CAMK4: variants seen among roughly 807,000 people sequenced by gnomAD.
CAMK4 encodes calcium/calmodulin dependent protein kinase IV.
In CAMK4, 22 loss-of-function variants were observed where a neutral mutation model predicts 44.9. The observed-to-expected ratio is 0.49, with a 90% CI of 0.35 to 0.70. CAMK4 has a LOEUF of 0.70. Among genes scored for constraint, CAMK4 ranks in the 30% least tolerant of loss-of-function variants. The pLI is 0.01. For synonymous variants in CAMK4, 218 were observed against 215.4 expected (o/e 1.01, Z -0.11); for missense variants, 498 against 586.8 (o/e 0.85, Z 1.56).
intron 2 of CAMK4, among the ~76,000 whole-genome samples, chr5:111,358,379 A>G (rs1271563908): frequency 6.6e-6 from 1 of 152,066 alleles, no homozygotes; most frequent in East Asian, 1.9e-4. Flanking sequence ...TATATGGGTC[A>G]GATTCCAATT....
chr5:111,281,047 G>T (rs1017930014), intron 1 of CAMK4, among the ~76,000 whole-genome samples: 3 of 152,180 alleles, frequency 2.0e-5, no homozygotes, highest in African/African-American at 7.2e-5. Context: ...CAATATTTCT[G>T]CTGTGGTGTT....
At position 111,448,248 on chromosome 5, in the gene CAMK4, A is replaced by T. The variant is rs577919869; in HGVS notation, c.551-881A>T. 7.9e-5 allele frequency among the ~76,000 whole-genome samples: 12 copies of T among 152,358 alleles called. No individual in the cohort carries two copies. The South Asian group carries it at 1.2e-3, about 16-fold the overall frequency. On this transcript the variant is annotated intron_variant, in intron 6 of 10. Transcript: ENST00000282356. The stretch of plus-strand genomic sequence containing the variant: ...AAATAAAAAGGATTCTTACCAAAAA[A>T]ATCTTATAGTCTTCTTATGAGAGTA...
intron 4 of CAMK4, among the ~76,000 whole-genome samples, chr5:111,380,826 G>A (rs1751386897): frequency 6.6e-6 from 1 of 152,058 alleles, no homozygotes; most frequent in Non-Finnish European, 1.5e-5. Context: ...TGTTGTGGTG[G>A]GCATTTAAGG....
chr5:111,289,971 C>G (rs1751380304), intron 1 of CAMK4, among the ~76,000 whole-genome samples: 1 of 152,188 alleles, frequency 6.6e-6, no homozygotes, highest in African/African-American at 2.4e-5. Flanking sequence ...TAGTATCTCC[C>G]TGGGAACCCA....
intron 1 of CAMK4, among the ~76,000 whole-genome samples, chr5:111,328,664 G>C (rs1022217903): frequency 1.1e-4 from 17 of 152,120 alleles, no homozygotes; most frequent in East Asian, 5.8e-4. Flanking sequence ...TCTTCCATTT[G>C]TTTGTATCCT....
chr5:111,301,237 G>T (rs1747707432), intron 1 of CAMK4, among the ~76,000 whole-genome samples: 1 of 152,106 alleles, frequency 6.6e-6, no homozygotes, highest in Non-Finnish European at 1.5e-5. Flanking sequence ...TTATTTACTG[G>T]AGAATGTCAA....
rs1171256054 is a variant in CAMK4, at chr5:111,487,948, A to T, written c.*3482A>T. ...CTTCAGAGGAGAAATGATTCCTAAC[A>T]TGACTTCAAAGAACGGGCATTACTA... is the stretch of plus-strand genomic sequence containing the variant. On this transcript the variant is annotated 3_prime_UTR_variant, in exon 11 of 11. Coordinates refer to ENST00000282356, the MANE Select transcript of CAMK4 (RefSeq NM_001744.6). 1 of 152,206 alleles carries T rather than the reference A, an allele frequency of 6.6e-6. No individual in the cohort carries two copies. Among genetic ancestry groups the T allele is most frequent in the Non-Finnish European group, 1.5e-5 (1 of 68,040 alleles). 9.4% of individuals were successfully genotyped at this position (152,206 alleles called of 1,614,324 possible). A position where few individuals can be genotyped will look rare whatever the true frequency, so the allele number is the denominator to read the frequency against.
chr5:111,269,291 T>A (rs1033205791), intron 1 of CAMK4, among the ~76,000 whole-genome samples: 1 of 152,214 alleles, frequency 6.6e-6, no homozygotes, highest in Admixed American at 6.5e-5. Flanking sequence ...ATTTATGGTA[T>A]CACATTATCT....
At chr5:111,453,198 C>G (rs1440920301) in intron 7 of CAMK4, among the ~76,000 whole-genome samples, 2 of 152,102 alleles carry the variant, frequency 1.3e-5, no homozygotes, top group African/African-American at 4.8e-5. Flanking sequence ...AAGGATACAC[C>G]TGTGTGTGGT....
intron 2 of CAMK4, among the ~76,000 whole-genome samples, chr5:111,370,965 A>G (rs1190055030): frequency 6.6e-6 from 1 of 152,190 alleles, no homozygotes; most frequent in Non-Finnish European, 1.5e-5. Context: ...TAGCATCTGC[A>G]GAAACTGAAA....
At chr5:111,372,142 C>G (rs1254940917) in intron 2 of CAMK4, among the ~76,000 whole-genome samples, 2 of 152,094 alleles carry the variant, frequency 1.3e-5, no homozygotes, top group African/African-American at 4.8e-5. Context: ...TTATTAGTTA[C>G]TGATCGATTA....
chr5:111,310,291 A>C (rs1345146705), intron 1 of CAMK4, among the ~76,000 whole-genome samples: 1 of 152,190 alleles, frequency 6.6e-6, no homozygotes, highest in African/African-American at 2.4e-5. Flanking sequence ...TTCTTTGGAA[A>C]TAAATGTATC....
At chr5:111,335,556 T>C (rs1749365854) in intron 1 of CAMK4, among the ~76,000 whole-genome samples, 1 of 151,384 alleles carries the variant, frequency 6.6e-6, no homozygotes, top group Non-Finnish European at 1.5e-5. Context: ...GAAAGAAAAG[T>C]TATTCCATAT....
At chr5:111,452,146 C>T (rs1228363215) in intron 7 of CAMK4, among the ~76,000 whole-genome samples, 2 of 152,188 alleles carry the variant, frequency 1.3e-5, no homozygotes, top group Non-Finnish European at 2.9e-5. Context: ...ACAGGGCATT[C>T]TTTGTCAGTG....
chr5:111,481,232 T>C (rs558777251), intron 9 of CAMK4, among the ~76,000 whole-genome samples: 3 of 152,146 alleles, frequency 2.0e-5, no homozygotes, highest in Non-Finnish European at 4.4e-5. Context: ...AGGAGAAAAA[T>C]GATTGGAAAA....
chr5:111,358,403 G>A (rs1479135389), intron 2 of CAMK4, among the ~76,000 whole-genome samples: 1 of 151,938 alleles, frequency 6.6e-6, no homozygotes, highest in African/African-American at 2.4e-5. Context: ...TTCCTACTGT[G>A]AGAATATGTC....
intron 2 of CAMK4, among the ~76,000 whole-genome samples, chr5:111,374,518 A>G: frequency 6.6e-6 from 1 of 152,102 alleles, no homozygotes; most frequent in East Asian, 1.9e-4. Flanking sequence ...AGACTTCCAT[A>G]TAAGAAAGGA....
At chr5:111,464,968 C>T (rs879940913) in intron 7 of CAMK4, among the ~76,000 whole-genome samples, 1 of 152,120 alleles carries the variant, frequency 6.6e-6, no homozygotes, top group Non-Finnish European at 1.5e-5. Flanking sequence ...TTTGTGAACA[C>T]TCCCAAACCA....
intron 7 of CAMK4, among the ~76,000 whole-genome samples, chr5:111,471,327 A>C (rs1258660816): frequency 6.6e-6 from 1 of 152,210 alleles, no homozygotes; most frequent in Admixed American, 6.5e-5. Flanking sequence ...TTAGGCCATG[A>C]GCAAGATTTA....
Sources: gnomAD v4.1 joint callset for allele counts (sites outside exome capture counted in the v4.1 genomes callset) on GRCh38, gnomAD v4.1.1 for gene constraint, MANE v1.5 for transcripts, NCBI Gene and HGNC (gene_info 2026-07-23, HGNC 2026-07-21) for gene names.